CRYBG1: variants seen among roughly 807,000 people sequenced by gnomAD.
CRYBG1 encodes beta/gamma crystallin domain-containing protein 1.
CRYBG1 carries 139 observed loss-of-function variants against 189.2 expected under a neutral mutation model. The ratio of observed to expected loss-of-function variants is 0.73; its 90% CI spans 0.64 to 0.85. CRYBG1 has a LOEUF of 0.85. Ranked by LOEUF, CRYBG1 falls within the 40% of genes least tolerant of loss-of-function variation. The pLI is 0.00. For synonymous variants in CRYBG1, 1,023 were observed against 1,017.1 expected (o/e 1.01, Z -0.11); for missense variants, 2,611 against 2,675.8 (o/e 0.98, Z 0.53).
At chr6:106,558,787 A>AC (rs1199096369) in intron 18 of CRYBG1, among the ~76,000 whole-genome samples, 162 bp downstream of exon 18, 2 of 152,274 alleles carry the variant, frequency 1.3e-5, no homozygotes, top group African/African-American at 4.8e-5. Context: ...ACAAAGTGAG[A>AC]CCCCATCTCT....
At position 106,512,178 on chromosome 6, in the gene CRYBG1, C is replaced by G. The variant is rs114293299; in HGVS notation, c.1061C>G (p.Thr354Arg). The change falls in exon 3 of 22, where the codon ACG becomes AGG. Residue 354 changes from threonine to arginine, a missense_variant. Physicochemically the swap from Thr to Arg is moderately conservative, Grantham distance 71. Around this residue, in one of 3 missense-constraint regions of CRYBG1, gnomAD observed 985 missense variants for 924.4 expected, o/e 1.07. Transcript: ENST00000633556. ...GEPPAEGAAH[T>R]ASSAQADCTA... ...CCTCCGGCCGAGGGCGCAGCGCACA[C>G]GGCCAGCTCCGCGCAGGCAGACTGC... is the stretch of plus-strand genomic sequence containing the variant. The G allele has an allele frequency of 5.2e-4, 801 of 1,534,960 alleles. 7 individuals carry two copies. In the African/African-American group the frequency reaches 0.01, roughly 19 times the overall value.
Position 106,360,956 on chromosome 6 carries a change from G to A in CRYBG1, c.48G>A (p.Pro16=), listed in dbSNP as rs758502784. 1.2e-5 allele frequency: 19 copies of A among 1,535,148 alleles called. No homozygotes were observed. Among genetic ancestry groups the A allele is most frequent in the Admixed American group, 5.9e-5 (3 of 50,984 alleles). The change falls in exon 1 of 22, where the codon CCG becomes CCA. Residue 16 remains proline, a synonymous_variant. Coordinates refer to ENST00000633556, the MANE Select transcript of CRYBG1 (RefSeq NM_001371242.2). ...PAQGDPGEPS[P]CRPPKKHTTF... The stretch of plus-strand genomic sequence containing the variant: ...AGGGCGACCCCGGGGAGCCCAGCCC[G>A]TGCAGGCCCCCTAAGAAGCACACCA...
intron 1 of CRYBG1, among the ~76,000 whole-genome samples, chr6:106,405,320 G>C (rs1463271801): frequency 6.6e-6 from 1 of 152,248 alleles, no homozygotes; most frequent in Non-Finnish European, 1.5e-5. Flanking sequence ...ACTGTAGCTG[G>C]ACTGTCTCTC....
intron 1 of CRYBG1, among the ~76,000 whole-genome samples, chr6:106,400,156 A>AAAAAAAG (rs764916473): frequency 2.8e-5 from 4 of 143,984 alleles, no homozygotes; most frequent in South Asian, 2.2e-4. Flanking sequence ...AAAAAAAAAA[A>AAAAAAAG]AGAGAGAGAG....
rs1774006486 is a variant in CRYBG1 at position 106,536,508 on chromosome 6, T to C, written c.4719-2895T>C. On this transcript the variant is annotated intron_variant, in intron 8 of 21. Coordinates refer to ENST00000633556, the MANE Select transcript of CRYBG1 (RefSeq NM_001371242.2). ...AATGGCCAATATTCATGTACAGCCA[T>C]GTCTAGGGAACACAACTTAAGATCC... Among the ~76,000 whole-genome samples the C allele has an allele frequency of 2.0e-5, 3 of 152,242 alleles. No homozygotes were observed. The South Asian group carries it at 6.2e-4, about 32-fold the overall frequency.
chr6:106,448,147 A>G (rs375913517), intron 1 of CRYBG1, among the ~76,000 whole-genome samples: 20 of 152,196 alleles, frequency 1.3e-4, no homozygotes, highest in African/African-American at 4.6e-4. Context: ...CTCAGCCCAC[A>G]CATCCTGTGA....
At chr6:106,476,123 T>C (rs1457959691) in intron 2 of CRYBG1, among the ~76,000 whole-genome samples, 1 of 152,258 alleles carries the variant, frequency 6.6e-6, no homozygotes, top group Non-Finnish European at 1.5e-5. Context: ...CATATGGAAG[T>C]AGATAAAGTA....
At chr6:106,375,753 G>GT (rs1484019280) in intron 1 of CRYBG1, among the ~76,000 whole-genome samples, 2 of 152,118 alleles carry the variant, frequency 1.3e-5, no homozygotes, top group African/African-American at 2.4e-5. Context: ...TGGCTTAGCT[G>GT]TTTTGGAGGC....
chr6:106,507,710 A>T (rs1773161578), intron 2 of CRYBG1, among the ~76,000 whole-genome samples: 2 of 152,174 alleles, frequency 1.3e-5, no homozygotes, highest in Admixed American at 1.3e-4. Flanking sequence ...TTTCCCCCTG[A>T]ACAATGGAAA....
At chr6:106,498,700 G>A (rs1474904) in intron 2 of CRYBG1, among the ~76,000 whole-genome samples, 36,144 of 151,724 alleles carry the variant, frequency 0.24, 4,508 homozygotes, top group African/African-American at 0.29. Flanking sequence ...CATGGTGAAT[G>A]ACCATCTCTA....
At chr6:106,487,648 T>C (rs9386558) in intron 2 of CRYBG1, among the ~76,000 whole-genome samples, 13,646 of 152,236 alleles carry the variant, frequency 0.09, 873 homozygotes, top group Admixed American at 0.2. Context: ...AGCTCCAAGA[T>C]TTCTGTTTGG....
At position 106,570,193 on chromosome 6, in the gene CRYBG1, C is replaced by T. The variant is rs899614025; in HGVS notation, c.*1627C>T. 6.6e-6 allele frequency: 1 copy of T among 152,200 alleles called. No individual in the cohort carries two copies. The highest frequency in any genetic ancestry group is 1.5e-5 in the Non-Finnish European group (1 of 68,038). 9.4% of individuals were successfully genotyped at this position (152,200 alleles called of 1,614,324 possible). A position where few individuals can be genotyped will look rare whatever the true frequency, so the allele number is the denominator to read the frequency against. ...ACAGCTTGTTTCTTTTCCATCTATT[C>T]AAGTGTGTTTCTAATTCTAAAATGC... On this transcript the variant is annotated 3_prime_UTR_variant, in exon 22 of 22. Transcript: ENST00000633556.
chr6:106,500,268 T>G (rs1235488462), intron 2 of CRYBG1, among the ~76,000 whole-genome samples: 1 of 152,204 alleles, frequency 6.6e-6, no homozygotes, highest in Non-Finnish European at 1.5e-5. Flanking sequence ...CTAATTTATA[T>G]TCCCACCAAC....
intron 2 of CRYBG1, among the ~76,000 whole-genome samples, chr6:106,467,915 C>T (rs1391490962): frequency 6.6e-5 from 10 of 152,030 alleles, no homozygotes; most frequent in African/African-American, 2.4e-4. Context: ...GTACTTCTGG[C>T]CTCAGTGAGC....
chr6:106,560,948 T>G, intron 19 of CRYBG1, 22 bp downstream of exon 19: 1 of 1,577,502 alleles, frequency 6.3e-7, no homozygotes, highest in Non-Finnish European at 8.6e-7. Flanking sequence ...CTCTCCATGC[T>G]CTGCATAGAC....
chr6:106,558,311 G>A (rs1212277881), intron 17 of CRYBG1, among the ~76,000 whole-genome samples, 175 bp from the exon 18 acceptor site: 1 of 151,674 alleles, frequency 6.6e-6, no homozygotes, highest in Non-Finnish European at 1.5e-5. Context: ...GCCCCTCTGT[G>A]CTTTCTCTCT....
intron 1 of CRYBG1, among the ~76,000 whole-genome samples, chr6:106,370,351 T>TGGTA (rs954384808): frequency 2.6e-5 from 4 of 152,076 alleles, no homozygotes; most frequent in Admixed American, 2.6e-4. Context: ...CAGAGATAAG[T>TGGTA]GGTAGATGGG....
At chr6:106,565,375 C>A (rs1484756561) in intron 21 of CRYBG1, among the ~76,000 whole-genome samples, 2 of 151,004 alleles carry the variant, frequency 1.3e-5, no homozygotes, top group African/African-American at 4.9e-5. Flanking sequence ...TTTTAAAAAA[C>A]AACTTTTCTG....
At chr6:106,545,989 T>C (rs925141387) in intron 13 of CRYBG1, among the ~76,000 whole-genome samples, 1 of 152,200 alleles carries the variant, frequency 6.6e-6, no homozygotes, top group African/African-American at 2.4e-5. Context: ...CCCAGCTCAT[T>C]TCTTGCAGTG....
Sources: gnomAD v4.1 joint callset for allele counts (sites outside exome capture counted in the v4.1 genomes callset) on GRCh38, gnomAD v4.1.1 for gene constraint, gnomAD v4.1.1 regional missense constraint, MANE v1.5 for transcripts, NCBI Gene and HGNC (gene_info 2026-07-23, HGNC 2026-07-21) for gene names.